The following EPHA6 variants were observed in gnomAD, a reference collection of about 807,000 sequenced individuals.
EPHA6 encodes the protein ephrin type-A receptor 6.
In EPHA6, 50 loss-of-function variants were observed where a neutral mutation model predicts 112.0. That is an observed-to-expected ratio of 0.45 (90% CI 0.36 to 0.56). The LOEUF (loss-of-function observed/expected upper bound fraction) is 0.56. Among genes scored for constraint, EPHA6 ranks in the 20% least tolerant of loss-of-function variants. The probability of loss-of-function intolerance (pLI) is 0.00; values close to 1 mark genes in which losing one functional copy is unlikely to be tolerated. For synonymous variants in EPHA6, 529 were observed against 490.7 expected (o/e 1.08, Z -1.03); for missense variants, 1,280 against 1,417.4 (o/e 0.90, Z 1.56).
chr3:97,196,882 C>G (rs1463437960), intron 3 of EPHA6, among the ~76,000 whole-genome samples: 1 of 152,016 alleles, frequency 6.6e-6, no homozygotes, highest in Non-Finnish European at 1.5e-5. Flanking sequence ...AGGGGTGACA[C>G]AAGCACCTCT....
At chr3:97,481,742 C>T (rs989184024) in intron 9 of EPHA6, among the ~76,000 whole-genome samples, 1 of 144,016 alleles carries the variant, frequency 6.9e-6, no homozygotes, top group Non-Finnish European at 1.5e-5. Flanking sequence ...CTGACTCTTA[C>T]TGCACTGGCA....
intron 6 of EPHA6, among the ~76,000 whole-genome samples, chr3:97,412,851 A>C (rs1251144421): frequency 6.6e-6 from 1 of 152,010 alleles, no homozygotes; most frequent in Non-Finnish European, 1.5e-5. Context: ...GAGGAAAGAA[A>C]ATAATACAAT....
chr3:97,640,193 G>T (rs301937), intron 14 of EPHA6, among the ~76,000 whole-genome samples: 57,997 of 151,940 alleles, frequency 0.38, 11,455 homozygotes, highest in South Asian at 0.52. Flanking sequence ...AAGTCAAAAT[G>T]TGAACCAAAT....
intron 5 of EPHA6, among the ~76,000 whole-genome samples, chr3:97,281,316 A>G (rs1158991167): frequency 6.6e-6 from 1 of 152,152 alleles, no homozygotes; most frequent in Admixed American, 6.6e-5. Context: ...CAGTTAATTT[A>G]TAACTTCTTT....
At chr3:96,831,367 C>T (rs888977075) in intron 1 of EPHA6, among the ~76,000 whole-genome samples, 2 of 152,212 alleles carry the variant, frequency 1.3e-5, no homozygotes, top group East Asian at 1.9e-4. Flanking sequence ...TCCTCCTCCA[C>T]GTGGGCTACT....
chr3:97,262,288 A>G (rs149373085), intron 5 of EPHA6, among the ~76,000 whole-genome samples: 65 of 152,226 alleles, frequency 4.3e-4, no homozygotes, highest in African/African-American at 1.5e-3. Flanking sequence ...ACTCTAAATT[A>G]CCCTCTATCT....
chr3:97,463,707 C>T (rs1186384127), intron 7 of EPHA6, among the ~76,000 whole-genome samples: 2 of 152,070 alleles, frequency 1.3e-5, no homozygotes, highest in Admixed American at 1.3e-4. Flanking sequence ...GGTAAAGTTT[C>T]AATGATTGAA....
At chr3:97,614,938 A>G (rs539943770) in intron 13 of EPHA6, among the ~76,000 whole-genome samples, 1 of 152,250 alleles carries the variant, frequency 6.6e-6, no homozygotes, top group South Asian at 2.1e-4. Flanking sequence ...TGTCTGTGAA[A>G]CATCCACTGA....
intron 3 of EPHA6, among the ~76,000 whole-genome samples, chr3:97,173,596 C>T (rs1329904630): frequency 6.6e-6 from 1 of 151,740 alleles, no homozygotes; most frequent in Non-Finnish European, 1.5e-5. Context: ...CAACAAGTTT[C>T]CTGTTGTACT....
chr3:96,979,118 T>C (rs1262488804), intron 2 of EPHA6, among the ~76,000 whole-genome samples: 1 of 152,164 alleles, frequency 6.6e-6, no homozygotes, highest in Non-Finnish European at 1.5e-5. Context: ...TGCAGGTTTG[T>C]TACATATGTA....
intron 3 of EPHA6, among the ~76,000 whole-genome samples, chr3:97,061,535 T>C (rs951905069): frequency 3.9e-5 from 6 of 152,174 alleles, no homozygotes; most frequent in African/African-American, 1.4e-4. Context: ...TTGGAAATCA[T>C]AGAAAACAAT....
At chr3:97,694,704 G>A (rs562474719) in intron 14 of EPHA6, among the ~76,000 whole-genome samples, 1 of 152,354 alleles carries the variant, frequency 6.6e-6, no homozygotes, top group South Asian at 2.1e-4. Context: ...TTTAAGGGTA[G>A]CATTGCAGGC....
intron 6 of EPHA6, among the ~76,000 whole-genome samples, chr3:97,420,564 C>G (rs986723003): frequency 1.3e-5 from 2 of 151,988 alleles, no homozygotes; most frequent in Non-Finnish European, 2.9e-5. Context: ...AAAAACTGTT[C>G]CCAACACTAA....
chr3:97,718,572 A>T (rs996424749), intron 14 of EPHA6, among the ~76,000 whole-genome samples: 3 of 152,212 alleles, frequency 2.0e-5, no homozygotes, highest in African/African-American at 7.2e-5. Context: ...TCTGAAATAC[A>T]AATTTAACCA....
intron 3 of EPHA6, among the ~76,000 whole-genome samples, chr3:97,101,649 G>A (rs1353722757): frequency 6.6e-6 from 1 of 152,024 alleles, no homozygotes; most frequent in Non-Finnish European, 1.5e-5. Flanking sequence ...TCTTGAAGGT[G>A]TAACTTTACT....
intron 12 of EPHA6, among the ~76,000 whole-genome samples, chr3:97,607,990 G>C (rs1192003303): frequency 2.0e-5 from 3 of 150,774 alleles, no homozygotes; most frequent in African/African-American, 4.9e-5. Context: ...ATTATAAAAT[G>C]TAATCATGGA....
rs2078223836 is a variant in EPHA6 at position 97,222,146 on chromosome 3, A to G, written c.1115-4118A>G. Among the ~76,000 whole-genome samples the G allele has an allele frequency of 2.6e-5, 4 of 152,242 alleles. No individual in the cohort carries two copies. In the South Asian group the frequency reaches 6.2e-4, roughly 24 times the overall value. ...TTGAGGCCCATCTCTGGCTTGTGGC[A>G]GTTACATAAAGCTGAGATAACACTC... On this transcript the variant is annotated intron_variant, in intron 3 of 17. Coordinates refer to ENST00000389672, the MANE Select transcript of EPHA6 (RefSeq NM_001080448.3).
Position 97,670,537 on chromosome 3 carries a change from T to C in EPHA6, c.2784+32455T>C, listed in dbSNP as rs532221667. On this transcript the variant is annotated intron_variant, in intron 14 of 17. Coordinates refer to ENST00000389672, the MANE Select transcript of EPHA6 (RefSeq NM_001080448.3). ...AGGCTAACCTGTTGAATTTATGCAA[T>C]AGAACTAATGTTTTAGGACTATTCT... Among the ~76,000 whole-genome samples, 7 of 152,322 alleles carry C rather than the reference T, an allele frequency of 4.6e-5. No individual in the cohort carries two copies. The South Asian group carries it at 1.2e-3, about 27-fold the overall frequency.
chr3:97,630,188 C>G (rs2093891231), intron 13 of EPHA6, among the ~76,000 whole-genome samples: 3 of 151,836 alleles, frequency 2.0e-5, no homozygotes. Flanking sequence ...TGATTTCACT[C>G]TTGGTGGCCT....
Sources: gnomAD v4.1 joint callset for allele counts (sites outside exome capture counted in the v4.1 genomes callset) on GRCh38, gnomAD v4.1.1 for gene constraint, MANE v1.5 for transcripts, NCBI Gene and HGNC (gene_info 2026-07-23, HGNC 2026-07-21) for gene names.